Variants in ADGRL3 observed in about 807,000 individuals in gnomAD.
ADGRL3 encodes the protein adhesion G protein-coupled receptor L3.
Under a neutral mutation model 153.5 loss-of-function variants are expected in ADGRL3, and 62 were observed. The ratio of observed to expected loss-of-function variants is 0.40; its 90% CI spans 0.33 to 0.50. The LOEUF (loss-of-function observed/expected upper bound fraction) is 0.50. Among genes scored for constraint, ADGRL3 ranks in the 20% least tolerant of loss-of-function variants. ADGRL3 has a pLI of 0.47. For missense variants in ADGRL3, 1,641 were observed against 1,859.4 expected (o/e 0.88, Z 2.16); for synonymous variants, 710 against 672.5 (o/e 1.06, Z -0.86).
chr4:61,291,901 C>T (rs563849150), intron 1 of ADGRL3, among the ~76,000 whole-genome samples: 2 of 145,928 alleles, frequency 1.4e-5, no homozygotes, highest in East Asian at 2.0e-4. Flanking sequence ...TGGGTCTTTA[C>T]ATTTTATGGT....
chr4:61,904,285 T>C (rs1430464950), intron 11 of ADGRL3, among the ~76,000 whole-genome samples: 2 of 151,774 alleles, frequency 1.3e-5, no homozygotes, highest in Non-Finnish European at 2.9e-5. Context: ...AACTGCACTG[T>C]TGTTGACACA....
chr4:61,880,573 A>T (rs979787583), intron 9 of ADGRL3, among the ~76,000 whole-genome samples: 1 of 152,194 alleles, frequency 6.6e-6, no homozygotes, highest in African/African-American at 2.4e-5. Flanking sequence ...TTATGCATCT[A>T]TTGAGTACTT....
At position 61,998,338 on chromosome 4, in the gene ADGRL3, C is replaced by G; in HGVS notation, c.3395+73C>G. The stretch of plus-strand genomic sequence containing the variant: ...CTCCAAACTATCCTTTCTATTATAT[C>G]AAAATCTTATGACAAAAGGATAAAG... On this transcript the variant is annotated intron_variant, in intron 21 of 26. Coordinates refer to ENST00000683033, the MANE Select transcript of ADGRL3 (RefSeq NM_001387552.1). The G allele has an allele frequency of 5.6e-6, 4 of 710,156 alleles. No individual in the cohort carries two copies. In the South Asian group the frequency reaches 9.6e-5, roughly 17 times the overall value. The allele number at this position is 710,156 out of a possible 1,614,324, so 44.0% of individuals were successfully genotyped here.
At chr4:61,488,644 G>A (rs1207362309) in intron 2 of ADGRL3, among the ~76,000 whole-genome samples, 5 of 151,646 alleles carry the variant, frequency 3.3e-5, no homozygotes, top group African/African-American at 4.8e-5. Flanking sequence ...GTTTTTTTCC[G>A]TTTTCCCTCC....
intron 4 of ADGRL3, among the ~76,000 whole-genome samples, chr4:61,566,661 A>G (rs1018253094): frequency 2.6e-5 from 4 of 152,166 alleles, no homozygotes; most frequent in Admixed American, 2.6e-4. Flanking sequence ...ATAAAAATAT[A>G]TAATAAATAA....
intron 1 of ADGRL3, among the ~76,000 whole-genome samples, chr4:61,354,557 AGAT>A (rs1222757167): frequency 3.5e-5 from 5 of 142,316 alleles, no homozygotes; most frequent in Non-Finnish European, 6.1e-5. Flanking sequence ...TATTACTCAT[AGAT>A]GATAAGACTT....
intron 13 of ADGRL3, among the ~76,000 whole-genome samples, chr4:61,914,135 C>T (rs1298999311): frequency 6.6e-6 from 1 of 152,084 alleles, no homozygotes; most frequent in Non-Finnish European, 1.5e-5. Context: ...TTTGGATATA[C>T]TCTCGTTCTG....
In ADGRL3 at chr4:61,694,168, A is replaced by G. The variant is rs1580317345; in HGVS notation, c.583+17233A>G. On this transcript the variant is annotated intron_variant, in intron 6 of 26. Transcript: ENST00000683033. Reference sequence around the variant, plus strand: ...TTTTTCTGTCCTATACTATTTTAAAATTTTGTCATTATTTTTTTTTTTTTT... The same window carrying G: ...TTTTTCTGTCCTATACTATTTTAAAGTTTTGTCATTATTTTTTTTTTTTTT... Among the ~76,000 whole-genome samples the G allele has an allele frequency of 1.6e-5, 2 of 122,374 alleles. 1 individual carries two copies. Among genetic ancestry groups the G allele is most frequent in the African/African-American group, 6.1e-5 (2 of 32,696 alleles). The allele number at this position is 122,374 out of a possible 152,430, so 80.3% of individuals were successfully genotyped here.
intron 13 of ADGRL3, among the ~76,000 whole-genome samples, chr4:61,914,963 T>G (rs1318814528): frequency 2.0e-5 from 3 of 152,104 alleles, no homozygotes; most frequent in Non-Finnish European, 4.4e-5. Context: ...AATGAGCAAT[T>G]AGAAACTTAA....
chr4:61,549,243 G>A (rs2098729213), intron 4 of ADGRL3, among the ~76,000 whole-genome samples: 1 of 151,528 alleles, frequency 6.6e-6, no homozygotes, highest in Non-Finnish European at 1.5e-5. Flanking sequence ...GGGTTTTCTA[G>A]GTATAGAATC....
At chr4:61,461,811 T>A (rs2097822949) in intron 2 of ADGRL3, among the ~76,000 whole-genome samples, 1 of 152,176 alleles carries the variant, frequency 6.6e-6, no homozygotes, top group Non-Finnish European at 1.5e-5. Context: ...GCTGGATCAA[T>A]GACTTACTCC....
At chr4:61,643,843 G>A (rs2093817074) in intron 5 of ADGRL3, among the ~76,000 whole-genome samples, 1 of 147,056 alleles carries the variant, frequency 6.8e-6, no homozygotes, top group South Asian at 2.2e-4. Flanking sequence ...TCTATTGATT[G>A]GAATAGTTTC....
At chr4:61,301,084 T>C (rs886561002) in intron 1 of ADGRL3, among the ~76,000 whole-genome samples, 1 of 152,302 alleles carries the variant, frequency 6.6e-6, no homozygotes, top group African/African-American at 2.4e-5. Context: ...TTCTAAATTC[T>C]AGCATAAAAT....
chr4:61,586,996 G>GA (rs900421958), intron 4 of ADGRL3, among the ~76,000 whole-genome samples: 1 of 151,720 alleles, frequency 6.6e-6, no homozygotes, highest in East Asian at 1.9e-4. Flanking sequence ...TCATTTATAA[G>GA]AAAAAAAGTG....
intron 4 of ADGRL3, among the ~76,000 whole-genome samples, chr4:61,577,679 G>A (rs2098896644): frequency 6.6e-6 from 1 of 151,776 alleles, no homozygotes; most frequent in African/African-American, 2.4e-5. Flanking sequence ...CAGGCATGGT[G>A]GCGCATGGCT....
intron 2 of ADGRL3, among the ~76,000 whole-genome samples, chr4:61,421,105 T>TGGGC (rs1274702710): frequency 1.2e-4 from 18 of 151,712 alleles, no homozygotes; most frequent in Non-Finnish European, 2.5e-4. Context: ...GAGGCCGAGG[T>TGGGC]GGGCGGATCA....
chr4:61,798,336 A>G (rs558060972), intron 8 of ADGRL3, among the ~76,000 whole-genome samples: 1 of 152,284 alleles, frequency 6.6e-6, no homozygotes, highest in Admixed American at 6.5e-5. Flanking sequence ...TGGCAGGTAC[A>G]CACAAAGCAA....
At chr4:61,858,763 T>C (rs2098308550) in intron 9 of ADGRL3, among the ~76,000 whole-genome samples, 1 of 152,238 alleles carries the variant, frequency 6.6e-6, no homozygotes, top group African/African-American at 2.4e-5. Context: ...ACTTGTGGGC[T>C]GAACAAAAAC....
At chr4:61,498,001 A>T (rs1361931653) in intron 3 of ADGRL3, among the ~76,000 whole-genome samples, 6 of 152,084 alleles carry the variant, frequency 3.9e-5, no homozygotes, top group Admixed American at 1.3e-4. Context: ...TTTATTGTGA[A>T]TTTTTTGGCT....
Sources: allele counts gnomAD v4.1 joint callset (sites outside exome capture counted in the v4.1 genomes callset), GRCh38; gene constraint gnomAD v4.1.1; transcripts MANE v1.5; gene names NCBI Gene and HGNC (gene_info 2026-07-23, HGNC 2026-07-21).